The following PTPRM variants were observed in gnomAD, a reference collection of about 807,000 sequenced individuals.
PTPRM encodes receptor-type tyrosine-protein phosphatase mu.
PTPRM carries 47 observed loss-of-function variants against 186.7 expected under a neutral mutation model. The observed-to-expected ratio is 0.25, with a 90% CI of 0.20 to 0.32. The LOEUF (loss-of-function observed/expected upper bound fraction) is 0.32, where lower values mean the gene tolerates loss of function less well. Ranked by LOEUF, PTPRM falls within the 10% of genes least tolerant of loss-of-function variation. The probability of loss-of-function intolerance (pLI) is 1.00; values close to 1 mark genes in which losing one functional copy is unlikely to be tolerated. For missense variants in PTPRM, 1,494 were observed against 1,865.0 expected (o/e 0.80, Z 3.66); for synonymous variants, 668 against 674.9 (o/e 0.99, Z 0.16).
chr18:8,200,604 C>T (rs1360344525), intron 14 of PTPRM, among the ~76,000 whole-genome samples: 4 of 152,252 alleles, frequency 2.6e-5, no homozygotes, highest in Non-Finnish European at 4.4e-5. Context: ...ACCCACGCAG[C>T]ACAAATCACT....
At chr18:8,214,844 G>C (rs1339308263) in intron 14 of PTPRM, among the ~76,000 whole-genome samples, 5 of 152,124 alleles carry the variant, frequency 3.3e-5, no homozygotes, top group Admixed American at 3.3e-4. Context: ...TGTATTTTTA[G>C]TAGAGATGGG....
At chr18:7,747,856 A>G (rs1189833234) in intron 1 of PTPRM, among the ~76,000 whole-genome samples, 1 of 152,168 alleles carries the variant, frequency 6.6e-6, no homozygotes, top group African/African-American at 2.4e-5. Flanking sequence ...TGAAATGAGG[A>G]CAGAATTTGA....
rs149468001 is a variant in PTPRM at position 8,283,687 on chromosome 18, C to T, written c.2755-12681C>T. The stretch of plus-strand genomic sequence containing the variant: ...CCAGGCTGGAGGGCAGTGGTGCAAT[C>T]GTAACTCACTGTAGCCTCAACCTGA... On this transcript the variant is annotated intron_variant, in intron 19 of 32. Coordinates refer to ENST00000580170, the MANE Select transcript of PTPRM (RefSeq NM_001105244.2). Among the ~76,000 whole-genome samples, 1,275 of 152,204 alleles carry T rather than the reference C, an allele frequency of 8.4e-3. 27 individuals are homozygous for T. The highest frequency in any genetic ancestry group is 0.029 in the African/African-American group (1,204 of 41,524).
chr18:8,061,822 G>C (rs1449423734), intron 7 of PTPRM, among the ~76,000 whole-genome samples: 1 of 98,184 alleles, frequency 1.0e-5, no homozygotes, highest in Non-Finnish European at 2.1e-5. Flanking sequence ...TCTGCCGAGA[G>C]ATCCGCTGTT....
chr18:8,240,326 C>T (rs1048586698), intron 14 of PTPRM, among the ~76,000 whole-genome samples: 3 of 151,590 alleles, frequency 2.0e-5, no homozygotes, highest in African/African-American at 7.3e-5. Context: ...TGAAAGGCTA[C>T]TGGGGAGGCT....
chr18:7,684,530 G>T (rs1018788435), intron 1 of PTPRM, among the ~76,000 whole-genome samples: 1 of 152,154 alleles, frequency 6.6e-6, no homozygotes, highest in East Asian at 1.9e-4. Flanking sequence ...CCTGGCAACC[G>T]TAATTCTATT....
intron 1 of PTPRM, among the ~76,000 whole-genome samples, chr18:7,682,341 CA>C (rs1395802823): frequency 6.6e-6 from 1 of 152,212 alleles, no homozygotes; most frequent in African/African-American, 2.4e-5. Context: ...CATTAGAAAA[CA>C]TACTAACTGG....
At chr18:8,067,193 G>A (rs1035908909) in intron 7 of PTPRM, among the ~76,000 whole-genome samples, 2 of 152,148 alleles carry the variant, frequency 1.3e-5, no homozygotes, top group African/African-American at 4.8e-5. Flanking sequence ...GTGATGAATA[G>A]GAGGCCTGGG....
chr18:8,295,472 C>T (rs1161896622), intron 19 of PTPRM, among the ~76,000 whole-genome samples: 1 of 152,136 alleles, frequency 6.6e-6, no homozygotes, highest in Non-Finnish European at 1.5e-5. Context: ...ATGCCATGTT[C>T]TCTGGCCCCA....
At chr18:8,319,515 T>C (rs1176561299) in intron 22 of PTPRM, among the ~76,000 whole-genome samples, 1 of 152,216 alleles carries the variant, frequency 6.6e-6, no homozygotes, top group East Asian at 1.9e-4. Context: ...TCCATCAATA[T>C]ACACCAGCTG....
intron 2 of PTPRM, among the ~76,000 whole-genome samples, chr18:7,798,724 T>C (rs1219703274): frequency 1.3e-5 from 2 of 152,168 alleles, no homozygotes; most frequent in Non-Finnish European, 2.9e-5. Context: ...TTTCTCCTTC[T>C]CTCTCCTTAT....
chr18:8,044,822 C>T (rs1346629374), intron 7 of PTPRM, among the ~76,000 whole-genome samples: 1 of 151,106 alleles, frequency 6.6e-6, no homozygotes, highest in Non-Finnish European at 1.5e-5. Context: ...ACTTTATACC[C>T]ACTAGGATTT....
intron 7 of PTPRM, among the ~76,000 whole-genome samples, chr18:8,016,623 C>A (rs1312163040): frequency 6.6e-6 from 1 of 151,662 alleles, no homozygotes. Flanking sequence ...CTTTCTGGTA[C>A]ATTCAAAAGG....
intron 1 of PTPRM, among the ~76,000 whole-genome samples, chr18:7,735,804 A>G (rs1273578071): frequency 6.6e-6 from 1 of 151,140 alleles, no homozygotes; most frequent in African/African-American, 2.4e-5. Context: ...CCTAACAAGA[A>G]CTTTGGCTTC....
intron 7 of PTPRM, among the ~76,000 whole-genome samples, chr18:8,021,355 C>T (rs868723315): frequency 7.8e-6 from 1 of 128,174 alleles, no homozygotes. Context: ...CACACACACA[C>T]ACACATATAA....
intron 14 of PTPRM, among the ~76,000 whole-genome samples, chr18:8,188,653 G>C (rs1363752562): frequency 6.6e-6 from 1 of 152,202 alleles, no homozygotes; most frequent in African/African-American, 2.4e-5. Flanking sequence ...CCATCAAGTT[G>C]ATGGTTTTAT....
intron 11 of PTPRM, among the ~76,000 whole-genome samples, chr18:8,089,745 A>G (rs573795318): frequency 7.2e-5 from 11 of 152,196 alleles, no homozygotes; most frequent in African/African-American, 2.6e-4. Context: ...ACCTGGCTAT[A>G]TTTGATCATG....
intron 7 of PTPRM, among the ~76,000 whole-genome samples, chr18:8,032,938 A>G (rs2086083070): frequency 6.7e-6 from 1 of 149,568 alleles, no homozygotes; most frequent in Non-Finnish European, 1.5e-5. Flanking sequence ...TGGAAGTACT[A>G]AAAAAAAGGA....
chr18:8,374,036 A>G (rs868283270), intron 24 of PTPRM, among the ~76,000 whole-genome samples: 2 of 152,200 alleles, frequency 1.3e-5, no homozygotes, highest in African/African-American at 4.8e-5. Context: ...CCCCAAATGT[A>G]TTACATTCCA....
Sources: gnomAD v4.1 joint callset for allele counts (sites outside exome capture counted in the v4.1 genomes callset) on GRCh38, gnomAD v4.1.1 for gene constraint, MANE v1.5 for transcripts, NCBI Gene and HGNC (gene_info 2026-07-23, HGNC 2026-07-21) for gene names.